ZNF804B: variants seen among roughly 807,000 people sequenced by gnomAD.
The protein encoded by ZNF804B is zinc finger 804B.
A neutral mutation model predicts 101.4 loss-of-function variants in ZNF804B; 80 were observed. The ratio of observed to expected loss-of-function variants is 0.79; its 90% confidence interval spans 0.66 to 0.95. The LOEUF is 0.95. ZNF804B is among the 40% of genes least tolerant of loss of function. ZNF804B has a pLI of 0.00. For missense variants in ZNF804B, 1,673 were observed against 1,561.9 expected (o/e 1.07, Z -1.20); for synonymous variants, 622 against 558.8 (o/e 1.11, Z -1.59).
intron 1 of ZNF804B, among the ~76,000 whole-genome samples, chr7:89,188,429 C>T (rs1046593788): frequency 5.3e-5 from 8 of 151,946 alleles, no homozygotes; most frequent in South Asian, 2.1e-4. Flanking sequence ...ATTGAAATTA[C>T]GTCGATTTTT....
chr7:89,258,302 T>C (rs1789665008), intron 2 of ZNF804B, among the ~76,000 whole-genome samples: 1 of 152,094 alleles, frequency 6.6e-6, no homozygotes, highest in South Asian at 2.1e-4. Context: ...ACTAATCCTC[T>C]GAAGATACCA....
At chr7:88,888,662 T>G (rs1792170277) in intron 1 of ZNF804B, among the ~76,000 whole-genome samples, 1 of 152,168 alleles carries the variant, frequency 6.6e-6, no homozygotes, top group South Asian at 2.1e-4. Context: ...GTTTGAATGT[T>G]TTACAATGAA....
At chr7:89,301,652 C>T (rs938163178) in intron 2 of ZNF804B, among the ~76,000 whole-genome samples, 2 of 151,750 alleles carry the variant, frequency 1.3e-5, no homozygotes, top group South Asian at 2.1e-4. Context: ...ATATTAATAT[C>T]GTATCTCTAA....
At chr7:89,103,048 G>GTTTTTTTTTTTTTTTT (rs56693128) in intron 1 of ZNF804B, among the ~76,000 whole-genome samples, 6 of 33,750 alleles carry the variant, frequency 1.8e-4, no homozygotes, top group African/African-American at 4.3e-4. Flanking sequence ...CTATGTGTCT[G>GTTTTTTTTTTTTTTTT]TTTTTTTTTT....
chr7:88,842,255 T>G (rs10228805), intron 1 of ZNF804B, among the ~76,000 whole-genome samples: 5,951 of 152,270 alleles, frequency 0.039, 408 homozygotes, highest in African/African-American at 0.14. Flanking sequence ...TACAAATAAA[T>G]TGAACCAGCC....
At chr7:89,190,736 AC>A (rs1275078331) in intron 1 of ZNF804B, among the ~76,000 whole-genome samples, 3 of 152,124 alleles carry the variant, frequency 2.0e-5, no homozygotes, top group East Asian at 1.9e-4. Context: ...TGCCACAGAT[AC>A]CCCAACCTTT....
chr7:88,785,800 G>T (rs1586901590), intron 1 of ZNF804B, among the ~76,000 whole-genome samples: 1 of 151,958 alleles, frequency 6.6e-6, no homozygotes, highest in African/African-American at 2.4e-5. Flanking sequence ...AATCTCCTCT[G>T]CCAGGAACAT....
chr7:89,095,185 G>A (rs965590533), intron 1 of ZNF804B, among the ~76,000 whole-genome samples: 5 of 151,896 alleles, frequency 3.3e-5, no homozygotes, highest in Non-Finnish European at 7.4e-5. Flanking sequence ...CCTTATAAAG[G>A]GATTTGATGG....
At chr7:89,274,129 T>C (rs1789939736) in intron 2 of ZNF804B, among the ~76,000 whole-genome samples, 1 of 144,984 alleles carries the variant, frequency 6.9e-6, no homozygotes, top group South Asian at 2.1e-4. Context: ...TTCATTCTTT[T>C]TTTTTTCTTT....
At chr7:89,082,758 G>T (rs1439596094) in intron 1 of ZNF804B, among the ~76,000 whole-genome samples, 1 of 151,742 alleles carries the variant, frequency 6.6e-6, no homozygotes, top group Non-Finnish European at 1.5e-5. Context: ...GCTATCATTT[G>T]CATGGTACCC....
intron 1 of ZNF804B, among the ~76,000 whole-genome samples, chr7:89,094,226 A>G (rs1254140301): frequency 6.6e-6 from 1 of 152,234 alleles, no homozygotes; most frequent in Non-Finnish European, 1.5e-5. Context: ...CAAAGATTTT[A>G]CTTTGTTGAA....
intron 1 of ZNF804B, among the ~76,000 whole-genome samples, chr7:88,975,128 A>G (rs1278976969): frequency 6.6e-6 from 1 of 151,444 alleles, no homozygotes; most frequent in Non-Finnish European, 1.5e-5. Flanking sequence ...TTATAGCTGA[A>G]TAGTACTCCA....
At chr7:88,856,345 G>A (rs1791559080) in intron 1 of ZNF804B, among the ~76,000 whole-genome samples, 8 of 152,188 alleles carry the variant, frequency 5.3e-5, no homozygotes, top group Admixed American at 4.6e-4. Flanking sequence ...TGTATTCATA[G>A]GTATTTTATT....
At chr7:89,191,999 T>C (rs1237233909) in intron 1 of ZNF804B, among the ~76,000 whole-genome samples, 1 of 152,062 alleles carries the variant, frequency 6.6e-6, no homozygotes, top group Non-Finnish European at 1.5e-5. Flanking sequence ...CTAAAAAAAA[T>C]TGATCCTGTT....
At chr7:88,993,099 T>C (rs1793870160) in intron 1 of ZNF804B, among the ~76,000 whole-genome samples, 1 of 152,032 alleles carries the variant, frequency 6.6e-6, no homozygotes, top group Admixed American at 6.6e-5. Context: ...ATATTTACTT[T>C]TTTGGTATTC....
At chr7:89,235,566 G>A (rs1021658026) in intron 2 of ZNF804B, among the ~76,000 whole-genome samples, 19 of 152,214 alleles carry the variant, frequency 1.2e-4, no homozygotes, top group African/African-American at 4.3e-4. Flanking sequence ...TTAAATTTGA[G>A]CAGTATAAAA....
intron 1 of ZNF804B, among the ~76,000 whole-genome samples, chr7:88,771,489 A>C (rs1412899445): frequency 6.6e-6 from 1 of 152,134 alleles, no homozygotes; most frequent in Non-Finnish European, 1.5e-5. Context: ...ATTTTAGTAA[A>C]GAACACACAG....
chr7:88,814,447 A>AACACACACAC (rs66471769), intron 1 of ZNF804B, among the ~76,000 whole-genome samples: 62 of 141,384 alleles, frequency 4.4e-4, no homozygotes, highest in African/African-American at 1.4e-3. Context: ...CCTCCCTTCA[A>AACACACACAC]ACACACACAC....
At chr7:89,190,391 C>T (rs1357756538) in intron 1 of ZNF804B, among the ~76,000 whole-genome samples, 2 of 149,262 alleles carry the variant, frequency 1.3e-5, no homozygotes, top group Non-Finnish European at 3.0e-5. Flanking sequence ...GAAGATATGA[C>T]TGAATTATTG....
Sources: gnomAD v4.1 joint callset for allele counts (sites outside exome capture counted in the v4.1 genomes callset) on GRCh38, gnomAD v4.1.1 for gene constraint, MANE v1.5 for transcripts, NCBI Gene and HGNC (gene_info 2026-07-23, HGNC 2026-07-21) for gene names.